The following TNR variants were observed in gnomAD, a reference collection of about 807,000 sequenced individuals.
TNR encodes the protein tenascin-R.
TNR carries 45 observed loss-of-function variants against 150.4 expected under a neutral mutation model. The observed-to-expected ratio is 0.30, with a 90% confidence interval of 0.24 to 0.38. The LOEUF is 0.38. TNR is among the 10% of genes least tolerant of loss of function. The pLI is 1.00. For synonymous variants in TNR, 687 were observed against 678.4 expected (o/e 1.01, Z -0.20); for missense variants, 1,544 against 1,759.1 (o/e 0.88, Z 2.19).
chr1:175,598,080 A>G (rs1399165878), intron 1 of TNR, among the ~76,000 whole-genome samples: 6 of 152,204 alleles, frequency 3.9e-5, no homozygotes, highest in Non-Finnish European at 8.8e-5. Context: ...CATGTTCCTG[A>G]GGATGCCGAG....
At chr1:175,375,617 G>T (rs1652341803) in intron 9 of TNR, among the ~76,000 whole-genome samples, 2 of 152,060 alleles carry the variant, frequency 1.3e-5, no homozygotes, top group African/African-American at 4.8e-5. Context: ...AGTCAGGAAG[G>T]GCCTGGATTC....
At chr1:175,376,723 A>G (rs1652404101) in intron 9 of TNR, among the ~76,000 whole-genome samples, 1 of 152,180 alleles carries the variant, frequency 6.6e-6, no homozygotes, top group Non-Finnish European at 1.5e-5. Context: ...TGCAACTAGC[A>G]TCTCAGCGAG....
chr1:175,518,306 G>C (rs1659495792), intron 2 of TNR, among the ~76,000 whole-genome samples: 1 of 152,192 alleles, frequency 6.6e-6, no homozygotes, highest in Admixed American at 6.5e-5. Context: ...ATTAAGCCAA[G>C]TCACCCACAG....
intron 2 of TNR, among the ~76,000 whole-genome samples, chr1:175,435,328 T>C (rs140860879): frequency 5.9e-5 from 9 of 152,290 alleles, no homozygotes; most frequent in Middle Eastern, 6.8e-3. Context: ...GATGGATTGA[T>C]AGTTGGTGAG....
chr1:175,457,564 G>T (rs1656621416), intron 2 of TNR, among the ~76,000 whole-genome samples: 1 of 152,144 alleles, frequency 6.6e-6, no homozygotes. Flanking sequence ...CTGAATCTAT[G>T]GTGTGTGAGA....
chr1:175,571,317 T>C (rs2102219760), intron 1 of TNR, among the ~76,000 whole-genome samples: 1 of 152,194 alleles, frequency 6.6e-6, no homozygotes, highest in East Asian at 1.9e-4. Flanking sequence ...AGTAAAAATA[T>C]AATTCTATAG....
At chr1:175,491,789 A>G (rs1030856636) in intron 2 of TNR, among the ~76,000 whole-genome samples, 1 of 151,676 alleles carries the variant, frequency 6.6e-6, no homozygotes, top group East Asian at 1.9e-4. Flanking sequence ...CGCTGGGACT[A>G]TAGGCACCCA....
intron 1 of TNR, among the ~76,000 whole-genome samples, chr1:175,652,418 A>G (rs1414355062): frequency 6.6e-6 from 1 of 152,130 alleles, no homozygotes; most frequent in East Asian, 1.9e-4. Flanking sequence ...TATAAAACCA[A>G]TAAGAAGTTA....
chr1:175,738,196 C>T (rs1317460108), intron 1 of TNR, among the ~76,000 whole-genome samples: 1 of 152,088 alleles, frequency 6.6e-6, no homozygotes, highest in East Asian at 1.9e-4. Context: ...AGAAAGTTTC[C>T]TTTTCTTACT....
chr1:175,727,181 T>C (rs1445557342), intron 1 of TNR, among the ~76,000 whole-genome samples: 1 of 152,232 alleles, frequency 6.6e-6, no homozygotes, highest in African/African-American at 2.4e-5. Flanking sequence ...AAAAAAATTG[T>C]GAATCTTTTT....
Position 175,687,016 on chromosome 1 carries a change from T to C in TNR, c.-165+56210A>G, listed in dbSNP as rs1384690401. Among the ~76,000 whole-genome samples the C allele has an allele frequency of 2.6e-5, 4 of 152,282 alleles. 1 individual carries two copies. The highest frequency in any genetic ancestry group is 9.6e-5 in the African/African-American group (4 of 41,554). On this transcript the variant is annotated intron_variant, in intron 1 of 22. Transcript: ENST00000367674. The stretch of plus-strand genomic sequence containing the variant: ...TCTGGGTAGATACCCAGTAGTGGGA[T>C]TGCTAGGGATTCTAGATTATTTTCC...
intron 1 of TNR, among the ~76,000 whole-genome samples, chr1:175,738,502 G>C (rs569363264): frequency 1.3e-5 from 2 of 152,284 alleles, no homozygotes; most frequent in East Asian, 1.9e-4. Context: ...AGTTGCCAAG[G>C]GCTGGGGGAG....
chr1:175,524,708 C>T (rs1450889621), intron 2 of TNR, among the ~76,000 whole-genome samples: 2 of 152,070 alleles, frequency 1.3e-5, no homozygotes, highest in African/African-American at 2.4e-5. Context: ...CCAGGCTTAG[C>T]GAAGGAGGAG....
intron 1 of TNR, among the ~76,000 whole-genome samples, chr1:175,578,642 T>A (rs1302676256): frequency 6.6e-6 from 1 of 152,182 alleles, no homozygotes; most frequent in African/African-American, 2.4e-5. Context: ...CTCTGCCTAG[T>A]CTCTGGCCCC....
chr1:175,446,940 T>C (rs1656079009), intron 2 of TNR, among the ~76,000 whole-genome samples: 1 of 152,202 alleles, frequency 6.6e-6, no homozygotes, highest in East Asian at 1.9e-4. Context: ...TGCATGTGTG[T>C]TATATGTATG....
intron 2 of TNR, among the ~76,000 whole-genome samples, chr1:175,457,795 A>G (rs1358186540): frequency 1.3e-5 from 2 of 152,256 alleles, no homozygotes; most frequent in Non-Finnish European, 2.9e-5. Context: ...ATATATTTAT[A>G]AAACAGAAAG....
chr1:175,481,054 A>G (rs1248320239), intron 2 of TNR, among the ~76,000 whole-genome samples: 1 of 152,222 alleles, frequency 6.6e-6, no homozygotes, highest in Non-Finnish European at 1.5e-5. Flanking sequence ...ACTGTGGATT[A>G]GCATGCTTTA....
intron 1 of TNR, among the ~76,000 whole-genome samples, chr1:175,656,065 C>A (rs377754704): frequency 1.5e-4 from 23 of 151,090 alleles, no homozygotes; most frequent in African/African-American, 5.4e-4. Flanking sequence ...AAGCACCAAG[C>A]CACAAGGCTA....
chr1:175,620,873 A>T (rs1273005059), intron 1 of TNR, among the ~76,000 whole-genome samples: 1 of 151,996 alleles, frequency 6.6e-6, no homozygotes, highest in Non-Finnish European at 1.5e-5. Flanking sequence ...CTAAACTCCA[A>T]CTTGCTTTAT....
Sources: allele counts gnomAD v4.1 joint callset (sites outside exome capture counted in the v4.1 genomes callset), GRCh38; gene constraint gnomAD v4.1.1; transcripts MANE v1.5; gene names NCBI Gene and HGNC (gene_info 2026-07-23, HGNC 2026-07-21).